TPO: variants seen among roughly 807,000 people sequenced by gnomAD.
TPO encodes thyroid microsomal antigen.
A neutral mutation model predicts 96.9 loss-of-function variants in TPO; 78 were observed. The ratio of observed to expected loss-of-function variants is 0.81; its 90% confidence interval spans 0.67 to 0.97. The LOEUF (loss-of-function observed/expected upper bound fraction) is 0.97. Among genes scored for constraint, TPO ranks in the 50% least tolerant of loss-of-function variants. TPO has a pLI of 0.00. For synonymous variants in TPO, 547 were observed against 538.0 expected (o/e 1.02, Z -0.23); for missense variants, 1,252 against 1,274.8 (o/e 0.98, Z 0.27).
intron 15 of TPO, among the ~76,000 whole-genome samples, chr2:1,535,935 C>T (rs187431735): frequency 1.8e-5 from 1 of 56,220 alleles, no homozygotes; most frequent in Non-Finnish European, 3.7e-5. Flanking sequence ...TCCCCAAATC[C>T]CCCACACTAT....
Position 1,436,523 on chromosome 2 carries a change from C to T in TPO, c.482+139C>T, listed in dbSNP as rs28909385. 1,100 of 1,326,096 alleles carry T rather than the reference C, an allele frequency of 8.3e-4. 12 individuals carry two copies. The African/African-American group carries it at 0.014, about 17-fold the overall frequency. 82.1% of individuals were successfully genotyped at this position (1,326,096 alleles called of 1,614,324 possible). On this transcript the variant is annotated intron_variant, in intron 5 of 16. Coordinates refer to ENST00000329066, the MANE Select transcript of TPO (RefSeq NM_001206744.2). ...CCCTGGTTCCTGTCCTTGGCCTCCC[C>T]GACATGGCCTCCTGCATGCCTGGTG...
At position 1,380,176 on chromosome 2, in the gene TPO, T is replaced by C. The variant is rs192484091; in HGVS notation, n.180+5774T>C. On this transcript the variant is annotated intron_variant and non_coding_transcript_variant, in intron 1 of 5. Coordinates refer to the TPO transcript ENST00000497517. ...TTGGGAGGCCGAGGTGGGCGGATCA[T>C]GAGGTCAGGAGATCAAGACCATCCT... is the stretch of plus-strand genomic sequence containing the variant. 4.8e-3 allele frequency among the ~76,000 whole-genome samples: 731 copies of C among 152,080 alleles called. 2 individuals carry two copies. Among genetic ancestry groups the C allele is most frequent in the East Asian group, 0.019 (98 of 5,158 alleles).
At chr2:1,511,658 G>A (rs1282561942) in intron 14 of TPO, among the ~76,000 whole-genome samples, 3 of 152,190 alleles carry the variant, frequency 2.0e-5, no homozygotes, top group African/African-American at 7.2e-5. Flanking sequence ...TTCTCCCCAT[G>A]TCCTCCCAGG....
intron 1 of TPO, among the ~76,000 whole-genome samples, chr2:1,394,204 G>T (rs1443466462): frequency 6.6e-6 from 1 of 152,200 alleles, no homozygotes; most frequent in East Asian, 1.9e-4. Flanking sequence ...GAATACGGTG[G>T]AATATTAAAG....
upstream of TPO, among the ~76,000 whole-genome samples, chr2:1,412,169 G>C (rs1409457573): frequency 2.0e-5 from 3 of 152,244 alleles, no homozygotes; most frequent in Non-Finnish European, 4.4e-5. Context: ...CCAAGCCTGA[G>C]TCTGCTGCTC....
intron 7 of TPO, among the ~76,000 whole-genome samples, chr2:1,463,111 T>C (rs959488993): frequency 2.6e-5 from 4 of 152,192 alleles, no homozygotes; most frequent in African/African-American, 9.7e-5. Context: ...GGAGGACACC[T>C]GCGTGCCCGT....
chr2:1,481,326 C>T (rs1017690495), intron 8 of TPO, among the ~76,000 whole-genome samples: 4 of 152,192 alleles, frequency 2.6e-5, no homozygotes, highest in Admixed American at 6.5e-5. Flanking sequence ...TAGCCATCCT[C>T]GGGGAGTCTG....
intron 1 of TPO, among the ~76,000 whole-genome samples, chr2:1,377,288 G>A (rs189534304): frequency 6.6e-6 from 1 of 152,216 alleles, no homozygotes; most frequent in Admixed American, 6.5e-5. Flanking sequence ...TTGGAATACG[G>A]TCTTTCTCTC....
chr2:1,448,334 C>T (rs1395418045), intron 5 of TPO, among the ~76,000 whole-genome samples: 1 of 152,250 alleles, frequency 6.6e-6, no homozygotes, highest in African/African-American at 2.4e-5. Flanking sequence ...TCGCAGATGT[C>T]AGGTCCGCCT....
chr2:1,498,060 T>C (rs1425921475), intron 13 of TPO, among the ~76,000 whole-genome samples: 1 of 150,900 alleles, frequency 6.6e-6, no homozygotes, highest in African/African-American at 2.4e-5. Context: ...GTCAGTGTGC[T>C]CAATGCCAGT....
chr2:1,529,392 CCA>C (rs1677469747), intron 15 of TPO, among the ~76,000 whole-genome samples: 1 of 113,852 alleles, frequency 8.8e-6, no homozygotes, highest in Admixed American at 9.0e-5. Context: ...CCAAATCCCC[CCA>C]CTGTCTGCAA....
chr2:1,536,977 TCTCCCCCACTGTGTGCAACCTCAAA>T (rs1558439430), intron 15 of TPO, among the ~76,000 whole-genome samples: 2 of 28,890 alleles, frequency 6.9e-5, no homozygotes, highest in Non-Finnish European at 6.1e-5. Context: ...AACCCCCCAA[TCTCCCCCACTGTGTGCAACCTCAAA>T]TCCCCCCACT....
intron 1 of TPO, among the ~76,000 whole-genome samples, chr2:1,374,876 G>A (rs890654525): frequency 5.9e-5 from 9 of 151,514 alleles, no homozygotes; most frequent in Non-Finnish European, 7.4e-5. Context: ...ACAGGCACCC[G>A]CCACCACGCC....
At chr2:1,493,418 C>T (rs952895904) in intron 10 of TPO, among the ~76,000 whole-genome samples, 14 of 152,212 alleles carry the variant, frequency 9.2e-5, no homozygotes, top group African/African-American at 2.4e-4. Flanking sequence ...AGAGCTCTGG[C>T]GTCCGAGCTG....
In TPO at chr2:1,488,790, C is replaced by G. The variant is rs559780666; in HGVS notation, c.1768+799C>G. ...TGCCCTGCCCCGTCCCTGGGCCTTC[C>G]TCTGTCCCCTGGCCCTTCCCCCATC... On this transcript the variant is annotated intron_variant, in intron 10 of 16. Coordinates refer to ENST00000329066, the MANE Select transcript of TPO (RefSeq NM_001206744.2). Among the ~76,000 whole-genome samples, 75 of 152,298 alleles carry G rather than the reference C, an allele frequency of 4.9e-4. 1 individual carries two copies. The highest frequency in any genetic ancestry group is 4.4e-3 in the Admixed American group (68 of 15,310).
At chr2:1,423,199 G>T (rs1288425804) in intron 3 of TPO, 70 bp downstream of exon 3, 2 of 1,480,934 alleles carry the variant, frequency 1.4e-6, no homozygotes, top group East Asian at 2.3e-5. Context: ...ATCCACACAC[G>T]TGTGGCCTGA....
At chr2:1,438,519 C>A (rs1395314326) in intron 5 of TPO, among the ~76,000 whole-genome samples, 3 of 152,162 alleles carry the variant, frequency 2.0e-5, no homozygotes, top group Non-Finnish European at 4.4e-5. Flanking sequence ...ATGACCCAGA[C>A]CTCAGGTGCA....
At chr2:1,475,072 C>T (rs538445196) in intron 7 of TPO, among the ~76,000 whole-genome samples, 38 of 152,332 alleles carry the variant, frequency 2.5e-4, no homozygotes, top group African/African-American at 8.9e-4. Context: ...ATTTTCTTAA[C>T]AAGTGAGTTA....
chr2:1,423,890 G>T (rs1026355739), intron 3 of TPO, among the ~76,000 whole-genome samples: 3 of 152,098 alleles, frequency 2.0e-5, no homozygotes, highest in Non-Finnish European at 4.4e-5. Flanking sequence ...ATAAACTCAC[G>T]CACACTTTAA....
Sources: allele counts gnomAD v4.1 joint callset (sites outside exome capture counted in the v4.1 genomes callset), GRCh38; gene constraint gnomAD v4.1.1; transcripts MANE v1.5; gene names NCBI Gene and HGNC (gene_info 2026-07-23, HGNC 2026-07-21).